NTM: variants seen among roughly 807,000 people sequenced by gnomAD.
NTM encodes IgLON family member 2.
NTM carries 13 observed loss-of-function variants against 42.1 expected under a neutral mutation model. The observed-to-expected ratio is 0.31, with a 90% CI of 0.20 to 0.49. The LOEUF (loss-of-function observed/expected upper bound fraction) is 0.49. Ranked by LOEUF, NTM falls within the 20% of genes least tolerant of loss-of-function variation. The pLI is 0.99. For missense variants in NTM, 373 were observed against 452.8 expected (o/e 0.82, Z 1.60); for synonymous variants, 187 against 179.2 (o/e 1.04, Z -0.35).
At chr11:131,648,792 C>T (rs912576287) in intron 1 of NTM, among the ~76,000 whole-genome samples, 4 of 152,096 alleles carry the variant, frequency 2.6e-5, no homozygotes, top group African/African-American at 9.7e-5. Flanking sequence ...CTCTTGTTTC[C>T]TCACTATACT....
At chr11:132,210,674 T>G (rs1011599355) in intron 3 of NTM, among the ~76,000 whole-genome samples, 5 of 152,182 alleles carry the variant, frequency 3.3e-5, no homozygotes, top group Non-Finnish European at 7.3e-5. Context: ...AAGCTGAGAC[T>G]GGAGAATTAG....
chr11:131,419,512 A>G (rs1329994465), intron 1 of NTM, among the ~76,000 whole-genome samples: 1 of 152,118 alleles, frequency 6.6e-6, no homozygotes, highest in Non-Finnish European at 1.5e-5. Flanking sequence ...ACAGAAGAGC[A>G]TTTCAGGCAG....
chr11:131,972,691 A>T (rs577864537), intron 2 of NTM, among the ~76,000 whole-genome samples: 2 of 152,296 alleles, frequency 1.3e-5, no homozygotes, highest in South Asian at 4.1e-4. Context: ...GAACCCCCGC[A>T]TAATGTGGCT....
chr11:131,424,600 C>CTTTTTTTTTGTTTTTTTTT (rs1947888937), intron 1 of NTM, among the ~76,000 whole-genome samples: 1 of 56,052 alleles, frequency 1.8e-5, no homozygotes, highest in Non-Finnish European at 3.2e-5. Context: ...CTTTTCTTTT[C>CTTTTTTTTTGTTTTTTTTT]TTTTTTTTTT....
intron 1 of NTM, among the ~76,000 whole-genome samples, chr11:131,797,054 A>G (rs1247003925): frequency 1.3e-5 from 2 of 152,258 alleles, no homozygotes; most frequent in Admixed American, 1.3e-4. Context: ...GAAGGCTCTA[A>G]TAATGTAATT....
intron 1 of NTM, among the ~76,000 whole-genome samples, chr11:131,706,725 C>T (rs541064350): frequency 6.6e-6 from 1 of 152,050 alleles, no homozygotes; most frequent in Non-Finnish European, 1.5e-5. Flanking sequence ...CAACCCATTT[C>T]TGAACAATTA....
chr11:131,903,950 GTTTTTTGAC>G (rs2053518578), intron 1 of NTM, among the ~76,000 whole-genome samples: 1 of 150,898 alleles, frequency 6.6e-6, no homozygotes, highest in Admixed American at 6.6e-5. Flanking sequence ...ATTTTTTTTT[GTTTTTTGAC>G]AAACAAAGGA....
chr11:131,444,598 T>C (rs1949896774), intron 1 of NTM, among the ~76,000 whole-genome samples: 1 of 152,200 alleles, frequency 6.6e-6, no homozygotes, highest in South Asian at 2.1e-4. Flanking sequence ...AAGAAGGTCA[T>C]GGCATAAATT....
chr11:131,708,892 G>A (rs2076846624), intron 1 of NTM, among the ~76,000 whole-genome samples: 1 of 152,160 alleles, frequency 6.6e-6, no homozygotes, highest in Non-Finnish European at 1.5e-5. Context: ...AGAAAACTAT[G>A]TCTGGGTAGG....
intron 1 of NTM, among the ~76,000 whole-genome samples, chr11:131,603,319 A>G (rs2060646612): frequency 6.6e-6 from 1 of 152,098 alleles, no homozygotes; most frequent in Non-Finnish European, 1.5e-5. Flanking sequence ...TATAATGTGC[A>G]TATGAATAAC....
At chr11:131,884,197 G>T (rs546469017) in intron 1 of NTM, among the ~76,000 whole-genome samples, 1 of 151,960 alleles carries the variant, frequency 6.6e-6, no homozygotes, top group Non-Finnish European at 1.5e-5. Flanking sequence ...ATCACCTGAG[G>T]TCGGGAGTTT....
At chr11:131,937,477 C>G (rs866883195) in intron 2 of NTM, among the ~76,000 whole-genome samples, 4 of 152,216 alleles carry the variant, frequency 2.6e-5, no homozygotes, top group Middle Eastern at 6.8e-3. Context: ...AGAGAGAGGC[C>G]TGGAGATGCA....
At chr11:131,796,694 G>A (rs570213144) in intron 1 of NTM, among the ~76,000 whole-genome samples, 3 of 152,312 alleles carry the variant, frequency 2.0e-5, no homozygotes, top group Admixed American at 2.0e-4. Flanking sequence ...TATCAAGAAC[G>A]TGGGATGGCC....
chr11:131,945,757 C>T (rs1467600884), intron 2 of NTM, among the ~76,000 whole-genome samples: 1 of 152,186 alleles, frequency 6.6e-6, no homozygotes, highest in Non-Finnish European at 1.5e-5. Context: ...TGCACCTTTA[C>T]TGATATGCTC....
intron 1 of NTM, among the ~76,000 whole-genome samples, chr11:131,514,557 A>T (rs2048652660): frequency 6.6e-6 from 1 of 151,972 alleles, no homozygotes. Flanking sequence ...AAAAAAATTA[A>T]ATTTGTTTTG....
chr11:132,282,306 C>A (rs558338835), intron 4 of NTM, among the ~76,000 whole-genome samples: 7 of 152,184 alleles, frequency 4.6e-5, no homozygotes, highest in Non-Finnish European at 7.3e-5. Context: ...CTCAGAAATT[C>A]TCTTGTCACC....
intron 1 of NTM, among the ~76,000 whole-genome samples, chr11:131,845,963 C>T (rs1205577412): frequency 6.6e-6 from 1 of 151,974 alleles, no homozygotes; most frequent in Non-Finnish European, 1.5e-5. Flanking sequence ...CGAAACATTC[C>T]ATTTAGCTTT....
chr11:131,620,776 G>A (rs2062446231), intron 1 of NTM, among the ~76,000 whole-genome samples: 1 of 152,192 alleles, frequency 6.6e-6, no homozygotes, highest in South Asian at 2.1e-4. Flanking sequence ...CTCTGGGATT[G>A]TAGATCACAT....
At chr11:131,847,932 G>A (rs2045104413) in intron 1 of NTM, among the ~76,000 whole-genome samples, 1 of 152,130 alleles carries the variant, frequency 6.6e-6, no homozygotes, top group South Asian at 2.1e-4. Flanking sequence ...TTTGAACAAT[G>A]TATTCTGTTT....
Sources: allele counts gnomAD v4.1 joint callset (sites outside exome capture counted in the v4.1 genomes callset), GRCh38; gene constraint gnomAD v4.1.1; transcripts MANE v1.5; gene names NCBI Gene and HGNC (gene_info 2026-07-23, HGNC 2026-07-21).